The following GON4L variants were observed in gnomAD, a reference collection of about 807,000 sequenced individuals.
GON4L encodes the protein GON-4-like protein.
In GON4L, 87 loss-of-function variants were observed where a neutral mutation model predicts 211.8. The ratio of observed to expected loss-of-function variants is 0.41; its 90% CI spans 0.35 to 0.49. GON4L has a LOEUF of 0.49. GON4L is among the 20% of genes least tolerant of loss of function. GON4L has a pLI of 0.15. For synonymous variants in GON4L, 875 were observed against 962.6 expected (o/e 0.91, Z 1.68); for missense variants, 2,155 against 2,659.5 (o/e 0.81, Z 4.17).
rs191702841 is a variant in GON4L, at chr1:155,776,479, G to A, written c.2094C>T (p.His698=). 181 of 1,608,566 alleles carry A rather than the reference G, an allele frequency of 1.1e-4. No homozygotes were observed. The highest frequency in any genetic ancestry group is 1.4e-4 in the Non-Finnish European group (160 of 1,175,038). The change falls in exon 16 of 32, where the codon CAC becomes CAT. Residue 698 remains histidine, a splice_region_variant and synonymous_variant. Coordinates refer to ENST00000368331, the MANE Select transcript of GON4L (RefSeq NM_001282860.2). ...RKRLQQQMQQ[H]VQLLTQIHLL... ...GGTGGATTTGGGTCAAGAGCTGAAC[G>A]TGCTGGGGATGGAAAGAAAATGATG...
At chr1:155,778,707 C>T (rs1336561996) in intron 14 of GON4L, among the ~76,000 whole-genome samples, 1 of 152,128 alleles carries the variant, frequency 6.6e-6, no homozygotes, top group Admixed American at 6.6e-5. Flanking sequence ...CCTCTCCCTT[C>T]CCCCGCTCCC....
intron 2 of GON4L, among the ~76,000 whole-genome samples, chr1:155,833,395 AT>A (rs1470740136): frequency 6.6e-6 from 1 of 151,990 alleles, no homozygotes; most frequent in East Asian, 1.9e-4. Context: ...CACACCTGTG[AT>A]CCCAGCATTT....
At chr1:155,811,391 C>CAAAAAAAAAA in intron 10 of GON4L, among the ~76,000 whole-genome samples, 1 of 33,168 alleles carries the variant, frequency 3.0e-5, no homozygotes, top group Non-Finnish European at 4.5e-5. Context: ...GACTCCGTCT[C>CAAAAAAAAAA]AAAAAAAAAA....
chr1:155,767,680 C>T, intron 19 of GON4L, 139 bp from the exon 20 acceptor site: 2 of 1,575,508 alleles, frequency 1.3e-6, no homozygotes, highest in Non-Finnish European at 1.7e-6. Context: ...CATACACAAA[C>T]ATCCATGAAC....
intron 14 of GON4L, 42 bp downstream of exon 14, chr1:155,783,944 C>T (rs776947290): frequency 1.2e-6 from 2 of 1,611,012 alleles, no homozygotes; most frequent in Non-Finnish European, 1.7e-6. Context: ...CAGAAATAAA[C>T]TTTTCCTCTA....
downstream of GON4L, among the ~76,000 whole-genome samples, chr1:155,745,493 C>A (rs1225965749): frequency 1.3e-5 from 2 of 152,178 alleles, no homozygotes; most frequent in Non-Finnish European, 2.9e-5. Context: ...AGAGATAAGA[C>A]CTCAAGGGAA....
chr1:155,799,574 A>C (rs1326035187), intron 11 of GON4L, among the ~76,000 whole-genome samples: 2 of 152,212 alleles, frequency 1.3e-5, no homozygotes, highest in Non-Finnish European at 2.9e-5. Flanking sequence ...AATCCTTTAG[A>C]TATATCAGAA....
At chr1:155,854,685 C>T (rs868291246) in intron 1 of GON4L, among the ~76,000 whole-genome samples, 2 of 152,234 alleles carry the variant, frequency 1.3e-5, no homozygotes, top group Middle Eastern at 3.4e-3. Context: ...TTTTCATAAA[C>T]AGGTATTTCC....
At chr1:155,806,120 T>C (rs989619803) in intron 10 of GON4L, among the ~76,000 whole-genome samples, 4 of 151,774 alleles carry the variant, frequency 2.6e-5, no homozygotes, top group Non-Finnish European at 5.9e-5. Context: ...CCCAAGTAGC[T>C]GGGACTATCG....
rs1233005570 is a variant in GON4L at position 155,814,220 on chromosome 1, G to GA, written c.1281+109dup. 1.4e-5 allele frequency: 15 copies of GA among 1,102,800 alleles called. No individual in the cohort carries two copies. The East Asian group carries it at 2.8e-4, about 21-fold the overall frequency. The allele number at this position is 1,102,800 out of a possible 1,614,324, so 68.3% of individuals were successfully genotyped here. A position where few individuals can be genotyped will look rare whatever the true frequency, so the allele number is the denominator to read the frequency against. Reference sequence around the variant, plus strand: ...ACTGTTTACTAACTTAAGAAACTTTGAAAAAGGGTGACAGCCCAGAATCAC... The same window carrying GA: ...ACTGTTTACTAACTTAAGAAACTTTGAAAAAAGGGTGACAGCCCAGAATCAC... On this transcript the variant is annotated intron_variant, in intron 9 of 31. Transcript: ENST00000368331.
chr1:155,854,232 A>G (rs1259852050), intron 1 of GON4L, among the ~76,000 whole-genome samples: 1 of 152,038 alleles, frequency 6.6e-6, no homozygotes, highest in Non-Finnish European at 1.5e-5. Flanking sequence ...GTTCACTGCA[A>G]CCTCCGCCTC....
intron 2 of GON4L, among the ~76,000 whole-genome samples, chr1:155,840,124 T>C (rs960472792): frequency 3.9e-5 from 6 of 152,254 alleles, no homozygotes; most frequent in Admixed American, 1.3e-4. Context: ...CCAGTATAAC[T>C]TGATTCTATA....
intron 8 of GON4L, 96 bp from the exon 9 acceptor site, chr1:155,814,545 C>T (rs1668067432): frequency 2.3e-6 from 3 of 1,300,294 alleles, no homozygotes; most frequent in Non-Finnish European, 3.3e-6. Flanking sequence ...AAATATCAAT[C>T]ACTCAGCCTG....
chr1:155,769,706 A>AT (rs1438634043), intron 19 of GON4L, among the ~76,000 whole-genome samples: 1 of 152,194 alleles, frequency 6.6e-6, no homozygotes, highest in Non-Finnish European at 1.5e-5. Flanking sequence ...AAGGCAAGGT[A>AT]TCACAATAAC....
chr1:155,818,070 T>TA (rs1668408635), intron 6 of GON4L, among the ~76,000 whole-genome samples: 1 of 152,112 alleles, frequency 6.6e-6, no homozygotes, highest in African/African-American at 2.4e-5. Context: ...GAGCCTAATT[T>TA]GATCTCCTTG....
chr1:155,800,329 G>A (rs1043352347), intron 11 of GON4L, among the ~76,000 whole-genome samples: 1 of 151,998 alleles, frequency 6.6e-6, no homozygotes. Context: ...AGGCCAAGGT[G>A]GGTGGACCAC....
At chr1:155,753,506 T>C (rs6427286) in intron 28 of GON4L, 92 bp from the exon 29 acceptor site, 355,470 of 893,010 alleles carry the variant, frequency 0.4, 78,307 homozygotes, top group East Asian at 0.73. Context: ...CTGATGCTCA[T>C]CAAGTCAACC....
intron 2 of GON4L, among the ~76,000 whole-genome samples, chr1:155,836,560 T>C (rs1321272029): frequency 6.6e-6 from 1 of 152,192 alleles, no homozygotes; most frequent in Non-Finnish European, 1.5e-5. Context: ...TGTGGTGTTC[T>C]TTAACTGATT....
intron 15 of GON4L, among the ~76,000 whole-genome samples, chr1:155,777,166 T>C (rs1663898652): frequency 6.6e-6 from 1 of 152,234 alleles, no homozygotes; most frequent in African/African-American, 2.4e-5. Flanking sequence ...GGCATGAACA[T>C]GATGACTTCT....
Sources: allele counts gnomAD v4.1 joint callset (sites outside exome capture counted in the v4.1 genomes callset), GRCh38; gene constraint gnomAD v4.1.1; transcripts MANE v1.5; gene names NCBI Gene and HGNC (gene_info 2026-07-23, HGNC 2026-07-21).